The following ENPP3 variants were observed in gnomAD, a reference collection of about 807,000 sequenced individuals.
The protein encoded by ENPP3 is ectonucleotide pyrophosphatase/phosphodiesterase 3, also known as ectonucleotide pyrophosphatase/phosphodiesterase family member 3.
A neutral mutation model predicts 117.8 loss-of-function variants in ENPP3; 104 were observed. That is an observed-to-expected ratio of 0.88 (90% CI 0.75 to 1.04). ENPP3 has a LOEUF of 1.04. Ranked by LOEUF, ENPP3 falls within the 50% of genes least tolerant of loss-of-function variation. The pLI is 0.00. For synonymous variants in ENPP3, 380 were observed against 349.9 expected, an observed-to-expected ratio of 1.09 and a Z score of -0.96; for missense variants, 1,026 against 1,051.9, an observed-to-expected ratio of 0.98 and a Z score of 0.34.
At chr6:131,689,022 C>A (rs148440287) in intron 14 of ENPP3, among the ~76,000 whole-genome samples, 1 of 151,804 alleles carries the variant, frequency 6.6e-6, no homozygotes, top group Non-Finnish European at 1.5e-5. Flanking sequence ...GCTGAGATCA[C>A]GCCACTGCAC....
rs540011427 is a variant in ENPP3 at position 131,641,799 on chromosome 6, GTTTTTTTTTTTTT to G, written c.154+281_154+293del. ...TTTTCTCTTACCTTTCTCCACCCTGGTTTTTTTTTTTTTTTTTTTTTTTTGGCAAGATCTCACT... is the reference window on the plus strand; with the variant it reads ...TTTTCTCTTACCTTTCTCCACCCTGGTTTTTTTTTTTGGCAAGATCTCACT... On this transcript the variant is annotated intron_variant, in intron 2 of 24. Transcript: ENST00000357639. 3.1e-5 allele frequency among the ~76,000 whole-genome samples: 2 copies of G among 64,052 alleles called. 1 individual carries two copies. Among genetic ancestry groups the G allele is most frequent in the Admixed American group, 5.4e-4 (2 of 3,724 alleles). 42.0% of individuals were successfully genotyped at this position (64,052 alleles called of 152,430 possible).
intron 18 of ENPP3, 125 bp downstream of exon 18, chr6:131,722,530 A>G: frequency 4.2e-6 from 3 of 721,466 alleles, no homozygotes; most frequent in Non-Finnish European, 4.7e-6. Flanking sequence ...CTTAGTAAAT[A>G]TATGTGGTTT....
chr6:131,701,668 C>A (rs1779534100), intron 15 of ENPP3, among the ~76,000 whole-genome samples: 2 of 148,770 alleles, frequency 1.3e-5, no homozygotes, highest in Admixed American at 1.3e-4. Context: ...ATTGCCTGAG[C>A]TCAGGAGTTC....
At chr6:131,645,705 C>G (rs1241224782) in intron 2 of ENPP3, among the ~76,000 whole-genome samples, 1 of 152,084 alleles carries the variant, frequency 6.6e-6, no homozygotes, top group African/African-American at 2.4e-5. Context: ...CTTTGTTTTT[C>G]TAGAAATCTG....
chr6:131,706,905 T>A (rs545936861), intron 15 of ENPP3, among the ~76,000 whole-genome samples: 13 of 151,972 alleles, frequency 8.6e-5, no homozygotes, highest in African/African-American at 1.4e-4. Flanking sequence ...ACACACACAC[T>A]CTCTCTCTCT....
intron 22 of ENPP3, 117 bp downstream of exon 22, chr6:131,737,549 C>T (rs1055639763): frequency 1.5e-6 from 1 of 650,572 alleles, no homozygotes; most frequent in Non-Finnish European, 2.7e-6. Flanking sequence ...TCATTTTGTT[C>T]TAATGGTTTA....
At chr6:131,674,649 T>C (rs979342252) in intron 8 of ENPP3, among the ~76,000 whole-genome samples, 6 of 151,026 alleles carry the variant, frequency 4.0e-5, no homozygotes, top group Non-Finnish European at 8.9e-5. Flanking sequence ...CTCGGCTTAC[T>C]GTAACCTCTG....
chr6:131,740,636 A>G (rs1261952130), intron 24 of ENPP3, among the ~76,000 whole-genome samples: 1 of 152,110 alleles, frequency 6.6e-6, no homozygotes, highest in Non-Finnish European at 1.5e-5. Context: ...ATTCACATTC[A>G]CTAATAATGA....
In ENPP3 at chr6:131,677,779, A is replaced by G; in HGVS notation, c.939-89A>G. 4 of 827,684 alleles carry G rather than the reference A, an allele frequency of 4.8e-6. No individual in the cohort carries two copies. In the Admixed American group the frequency reaches 6.1e-5, roughly 13 times the overall value. 51.3% of individuals were successfully genotyped at this position (827,684 alleles called of 1,614,324 possible). A position where few individuals can be genotyped will look rare whatever the true frequency, so the allele number is the denominator to read the frequency against. On this transcript the variant is annotated intron_variant, in intron 10 of 24. Coordinates refer to ENST00000357639, the MANE Select transcript of ENPP3 (RefSeq NM_005021.5). ...TAGAGAGAAAGAAAAGGCAATGGCT[A>G]GCAAGCCCAAGATCTACAAAATCCC...
At chr6:131,652,106 G>A (rs1489170038) in intron 3 of ENPP3, among the ~76,000 whole-genome samples, 3 of 152,204 alleles carry the variant, frequency 2.0e-5, no homozygotes, top group Non-Finnish European at 2.9e-5. Context: ...ACCTTGATCT[G>A]CCTACATTCT....
At chr6:131,686,950 T>TTG (rs1457597510) in intron 14 of ENPP3, among the ~76,000 whole-genome samples, 1 of 152,238 alleles carries the variant, frequency 6.6e-6, no homozygotes, top group East Asian at 1.9e-4. Flanking sequence ...GTCTTTGCTA[T>TTG]TGTGAATAAT....
chr6:131,682,666 C>T (rs1779051528), intron 11 of ENPP3, among the ~76,000 whole-genome samples: 1 of 152,152 alleles, frequency 6.6e-6, no homozygotes, highest in African/African-American at 2.4e-5. Context: ...CCCTGGAAAC[C>T]TATTGTCACA....
At chr6:131,724,478 C>G (rs1780108917) in intron 19 of ENPP3, among the ~76,000 whole-genome samples, 1 of 152,108 alleles carries the variant, frequency 6.6e-6, no homozygotes, top group Non-Finnish European at 1.5e-5. Context: ...AATAACCGTA[C>G]TCACCTCATG....
chr6:131,696,466 G>A (rs1050030697), intron 15 of ENPP3, among the ~76,000 whole-genome samples: 1 of 152,186 alleles, frequency 6.6e-6, no homozygotes, highest in African/African-American at 2.4e-5. Context: ...TTGCTGATCG[G>A]GGTTTGGAAG....
chr6:131,690,861 G>A (rs1779262041), intron 14 of ENPP3, among the ~76,000 whole-genome samples: 2 of 151,940 alleles, frequency 1.3e-5, no homozygotes, highest in African/African-American at 4.8e-5. Context: ...TACTTGCAAT[G>A]TGTTCATGCT....
chr6:131,727,482 G>A (rs990762386), intron 20 of ENPP3, among the ~76,000 whole-genome samples: 1 of 149,798 alleles, frequency 6.7e-6, no homozygotes, highest in Non-Finnish European at 1.5e-5. Context: ...TTGAACCCGG[G>A]AGGTGGAGGT....
chr6:131,678,009 A>G, intron 11 of ENPP3, 69 bp downstream of exon 11: 3 of 912,590 alleles, frequency 3.3e-6, no homozygotes, highest in Non-Finnish European at 5.2e-6. Flanking sequence ...ACAAAACAAG[A>G]TAGTATTCTT....
intron 7 of ENPP3, among the ~76,000 whole-genome samples, chr6:131,673,811 C>T (rs1019850922): frequency 4.6e-5 from 7 of 152,122 alleles, no homozygotes; most frequent in East Asian, 1.9e-4. Context: ...CTAAACAATA[C>T]AACAATGATT....
intron 2 of ENPP3, among the ~76,000 whole-genome samples, chr6:131,644,547 A>G (rs1778117570): frequency 6.6e-6 from 1 of 152,202 alleles, no homozygotes; most frequent in Admixed American, 6.5e-5. Context: ...GAATTTTTGT[A>G]TGAACATCTG....
Sources: allele counts gnomAD v4.1 joint callset (sites outside exome capture counted in the v4.1 genomes callset), GRCh38; gene constraint gnomAD v4.1.1; transcripts MANE v1.5; gene names NCBI Gene and HGNC (gene_info 2026-07-23, HGNC 2026-07-21).